The following FRMPD4 variants were observed in gnomAD, a reference collection of about 807,000 sequenced individuals.
FRMPD4 encodes FERM and PDZ domain-containing protein 4.
FRMPD4 carries 22 observed loss-of-function variants against 94.1 expected under a neutral mutation model. That is an observed-to-expected ratio of 0.23 (90% CI 0.17 to 0.33). The LOEUF is 0.33. FRMPD4 is among the 10% of genes least tolerant of loss of function. FRMPD4 has a pLI of 1.00. For missense variants in FRMPD4, 1,111 were observed against 1,339.9 expected (o/e 0.83, Z 2.67); for synonymous variants, 631 against 548.6 (o/e 1.15, Z -2.10).
intron 1 of FRMPD4, among the ~76,000 whole-genome samples, chrX:12,459,361 G>T (rs564871580): frequency 2.7e-5 from 3 of 110,885 alleles, no homozygotes; most frequent in African/African-American, 9.8e-5. Flanking sequence ...AATCTGAAGT[G>T]TAATTGCTGA....
chrX:12,164,171 T>C (rs528190062), intron 1 of FRMPD4, among the ~76,000 whole-genome samples: 1 of 111,202 alleles, frequency 9.0e-6, no homozygotes, highest in South Asian at 3.9e-4. Flanking sequence ...ACATTAGGTA[T>C]ATCTCCTAAT....
At chrX:12,053,380 A>AAGAG (rs1491523166) in intron 3 of FRMPD4, among the ~76,000 whole-genome samples, 1 of 92,303 alleles carries the variant, frequency 1.1e-5, no homozygotes, top group Non-Finnish European at 2.2e-5. Flanking sequence ...GAAAGAAAGA[A>AAGAG]AGAAAGAAAG....
rs113091858 is a variant in FRMPD4 at position 11,988,017 on chromosome X, T to A, written c.95+109999T>A. On this transcript the variant is annotated intron_variant, in intron 3 of 18. Transcript: ENST00000640291. ...GTTAAAATGTCCATACTACCCAAAG[T>A]AATCTACAGATTCAATGCAATTCTT... is the stretch of plus-strand genomic sequence containing the variant. 8.0e-3 allele frequency among the ~76,000 whole-genome samples: 899 copies of A among 111,739 alleles called. 6 individuals are homozygous for A. The highest frequency in any genetic ancestry group is 0.028 in the African/African-American group (869 of 30,873).
At chrX:12,318,514 ACT>A (rs1331247459) in intron 1 of FRMPD4, among the ~76,000 whole-genome samples, 1 of 111,711 alleles carries the variant, frequency 9.0e-6, no homozygotes, top group African/African-American at 3.3e-5. Context: ...ACAGAGCAAG[ACT>A]CTGTCTCAAA....
intron 3 of FRMPD4, among the ~76,000 whole-genome samples, chrX:12,086,460 G>T (rs1487171659): frequency 8.9e-6 from 1 of 111,918 alleles, no homozygotes; most frequent in Non-Finnish European, 1.9e-5. Flanking sequence ...TCCAAAAAAA[G>T]TTTATATTCC....
rs768434966 is a variant in FRMPD4, at chrX:12,263,801, A to T, written c.41+124789A>T. ...GACTGCATAACTTGAAAAAAAAAAA[A>T]ATTTTTCACAGCTCTAAAGGCTGGG... On this transcript the variant is annotated intron_variant, in intron 1 of 16. Transcript: ENST00000675598. Among the ~76,000 whole-genome samples, 411 of 110,707 alleles carry T rather than the reference A, an allele frequency of 3.7e-3. 1 individual carries two copies. Among genetic ancestry groups the T allele is most frequent in the African/African-American group, 0.013 (389 of 30,231 alleles).
Position 12,686,087 on chromosome X carries a change from T to G in FRMPD4, c.574-10T>G. ...TCAATTTATGCCCTGCCCTTTTTTT[T>G]GTTAAACAGGAAACTGTTAAGGACA... On this transcript the variant is annotated splice_polypyrimidine_tract_variant and intron_variant, in intron 6 of 16. Coordinates refer to ENST00000675598, the MANE Select transcript of FRMPD4 (RefSeq NM_001368397.1). 1.0e-6 allele frequency: 1 copy of G among 987,306 alleles called. No homozygotes were observed. Among genetic ancestry groups the G allele is most frequent in the Non-Finnish European group, 1.4e-6 (1 of 696,500 alleles). 81.4% of individuals were successfully genotyped at this position (987,306 alleles called of 1,213,427 possible).
chrX:12,202,414 G>T (rs1206862655), intron 1 of FRMPD4, among the ~76,000 whole-genome samples: 1 of 111,840 alleles, frequency 8.9e-6, no homozygotes, highest in African/African-American at 3.2e-5. Context: ...TAAGCATTCT[G>T]CCCTCGGAAT....
At chrX:12,254,578 T>G (rs2054089300) in intron 1 of FRMPD4, among the ~76,000 whole-genome samples, 1 of 112,072 alleles carries the variant, frequency 8.9e-6, no homozygotes, top group Non-Finnish European at 1.9e-5. Context: ...CAGTCAAAAT[T>G]TCTGCTTTCA....
chrX:12,600,431 G>A (rs1203339457), intron 2 of FRMPD4, among the ~76,000 whole-genome samples: 3 of 112,266 alleles, frequency 2.7e-5, no homozygotes, highest in African/African-American at 9.7e-5. Context: ...TTCAAAGACT[G>A]CAGTTTTTAT....
chrX:12,609,785 G>A lies in FRMPD4; in HGVS notation c.223G>A (p.Ala75Thr), dbSNP rs368237295. ...AGAGAGCTGCCAAATCATCCCTCCG[G>A]CTCCTCGGAAGGTGGAGATGAGAAG... ...RLESCQIIPPAPRKVEMRRDP... is the reference protein window; with the variant it reads ...RLESCQIIPPTPRKVEMRRDP... The change falls in exon 3 of 17, where the codon GCT (alanine) becomes ACT (threonine). Residue 75 changes from alanine (A) to threonine (T), a missense_variant. Physicochemically the swap from Ala to Thr is moderately conservative, Grantham distance 58. Transcript: ENST00000675598. The A allele has an allele frequency of 5.8e-6, 7 of 1,206,245 alleles. No individual in the cohort carries two copies. Among genetic ancestry groups the A allele is most frequent in the Non-Finnish European group, 6.7e-6 (6 of 891,866 alleles).
In FRMPD4 at chrX:12,530,966, A is replaced by C. The variant is rs186597225; in HGVS notation, c.158+32170A>C. Among the ~76,000 whole-genome samples, 30 of 111,301 alleles carry C rather than the reference A, an allele frequency of 2.7e-4. No homozygotes were observed. The East Asian group carries it at 7.9e-3, about 29-fold the overall frequency. On this transcript the variant is annotated intron_variant, in intron 2 of 16. Coordinates refer to ENST00000675598, the MANE Select transcript of FRMPD4 (RefSeq NM_001368397.1). ...TGTTGGCAGTCATCCAAGGAAATGC[A>C]AGAGGGAAGTTAGTTTTAGGGATAG...
intron 3 of FRMPD4, among the ~76,000 whole-genome samples, chrX:12,114,548 T>C (rs932748641): frequency 2.7e-5 from 3 of 112,415 alleles, no homozygotes; most frequent in African/African-American, 9.7e-5. Context: ...CATATTTCAA[T>C]CTCATATTTT....
chrX:12,332,109 A>T (rs866520422), intron 1 of FRMPD4, among the ~76,000 whole-genome samples: 19 of 58,225 alleles, frequency 3.3e-4, no homozygotes, highest in Admixed American at 5.4e-4. Flanking sequence ...AATTTATATT[A>T]TATATAATTT....
chrX:11,980,338 T>G (rs1413770751), intron 3 of FRMPD4, among the ~76,000 whole-genome samples: 1 of 111,590 alleles, frequency 9.0e-6, no homozygotes, highest in Non-Finnish European at 1.9e-5. Flanking sequence ...GCTTTCTTAT[T>G]TGTTTCCTCT....
intron 3 of FRMPD4, among the ~76,000 whole-genome samples, chrX:11,990,423 C>T (rs1315445664): frequency 1.8e-5 from 2 of 111,870 alleles, no homozygotes; most frequent in African/African-American, 3.2e-5. Flanking sequence ...ACCTCACTGA[C>T]TTGTTTACTT....
intron 1 of FRMPD4, among the ~76,000 whole-genome samples, chrX:12,330,992 C>T (rs948969256): frequency 9.0e-6 from 1 of 111,557 alleles, no homozygotes; most frequent in Non-Finnish European, 1.9e-5. Context: ...TTAGACTTTA[C>T]AAGCCATACA....
intron 3 of FRMPD4, among the ~76,000 whole-genome samples, chrX:12,099,395 G>T (rs2055235475): frequency 8.9e-6 from 1 of 111,754 alleles, no homozygotes; most frequent in Admixed American, 9.5e-5. Flanking sequence ...ATTCTCATTT[G>T]TTATTCTGTA....
At chrX:12,348,633 T>TGTCC (rs2055753373) in intron 1 of FRMPD4, among the ~76,000 whole-genome samples, 1 of 107,363 alleles carries the variant, frequency 9.3e-6, no homozygotes, top group African/African-American at 3.4e-5. Flanking sequence ...AAGCCTTCAC[T>TGTCC]GTCCAGAAGA....
Sources: allele counts gnomAD v4.1 joint callset (sites outside exome capture counted in the v4.1 genomes callset), GRCh38; gene constraint gnomAD v4.1.1; transcripts MANE v1.5; gene names NCBI Gene and HGNC (gene_info 2026-07-23, HGNC 2026-07-21).